The following MAP3K13 variants were observed in gnomAD, a reference collection of about 807,000 sequenced individuals.
MAP3K13 encodes the protein leucine zipper-bearing kinase.
A neutral mutation model predicts 104.0 loss-of-function variants in MAP3K13; 52 were observed. The ratio of observed to expected loss-of-function variants is 0.50; its 90% confidence interval spans 0.40 to 0.63. The LOEUF (loss-of-function observed/expected upper bound fraction) is 0.63, where lower values mean the gene tolerates loss of function less well. Among genes scored for constraint, MAP3K13 ranks in the 20% least tolerant of loss-of-function variants. MAP3K13 has a pLI of 0.00. For synonymous variants in MAP3K13, 394 were observed against 442.2 expected, an observed-to-expected ratio of 0.89 and a Z score of 1.37; for missense variants, 914 against 1,218.5, an observed-to-expected ratio of 0.75 and a Z score of 3.72.
rs897455701 is a variant in MAP3K13 at position 185,488,354 on chromosome 3, T to A, written c.*5898T>A. Reference sequence around the variant, plus strand: ...GACTGGCACATTAGAATCATATTAATCTGCTTGTTTGCATGTTACAACTGA... The same window carrying A: ...GACTGGCACATTAGAATCATATTAAACTGCTTGTTTGCATGTTACAACTGA... On this transcript the variant is annotated 3_prime_UTR_variant, in exon 14 of 14. Transcript: ENST00000265026. 6 of 152,172 alleles carry A rather than the reference T, an allele frequency of 3.9e-5. No individual in the cohort carries two copies. The highest frequency in any genetic ancestry group is 1.4e-4 in the African/African-American group (6 of 41,432). The allele number at this position is 152,172 out of a possible 1,614,324, so 9.4% of individuals were successfully genotyped here. A position where few individuals can be genotyped will look rare whatever the true frequency, so the allele number is the denominator to read the frequency against.
At chr3:185,304,395 A>G (rs754084500) in intron 2 of MAP3K13, among the ~76,000 whole-genome samples, 6 of 152,182 alleles carry the variant, frequency 3.9e-5, no homozygotes, top group Non-Finnish European at 7.4e-5. Context: ...TGTTCTATCC[A>G]TTATTAAAAG....
At chr3:185,375,565 C>T (rs1724384063) in intron 1 of MAP3K13, among the ~76,000 whole-genome samples, 1 of 152,086 alleles carries the variant, frequency 6.6e-6, no homozygotes, top group Non-Finnish European at 1.5e-5. Context: ...AACCATTTGC[C>T]TTGTGCGGGA....
chr3:185,434,553 A>G (rs1714917767), intron 2 of MAP3K13, among the ~76,000 whole-genome samples: 2 of 152,232 alleles, frequency 1.3e-5, no homozygotes, highest in Admixed American at 1.3e-4. Flanking sequence ...AAGAGGGTAC[A>G]GAACAACTAT....
intron 7 of MAP3K13, among the ~76,000 whole-genome samples, chr3:185,453,044 G>A (rs1308047059): frequency 6.6e-6 from 1 of 152,132 alleles, no homozygotes; most frequent in Non-Finnish European, 1.5e-5. Context: ...TTAAAAGGGT[G>A]CAAATGTCAT....
At chr3:185,429,996 T>TA (rs1290601999) in intron 2 of MAP3K13, among the ~76,000 whole-genome samples, 1 of 152,118 alleles carries the variant, frequency 6.6e-6, no homozygotes, top group Non-Finnish European at 1.5e-5. Context: ...GGTCAGGAGT[T>TA]CAAGACCAGC....
At chr3:185,438,219 C>A (rs943687278) in intron 3 of MAP3K13, among the ~76,000 whole-genome samples, 1 of 151,678 alleles carries the variant, frequency 6.6e-6, no homozygotes, top group African/African-American at 2.4e-5. Context: ...TTGCTTGAAC[C>A]CAGAAGGTTG....
intron 2 of MAP3K13, among the ~76,000 whole-genome samples, chr3:185,326,912 G>A (rs113681444): frequency 7.4e-4 from 112 of 152,214 alleles, no homozygotes; most frequent in African/African-American, 2.5e-3. Flanking sequence ...TTTCATTTGC[G>A]TATTCTGTTC....
chr3:185,473,045 A>T lies in MAP3K13; in HGVS notation c.1714A>T (p.Ser572Cys), dbSNP rs1355800652. The change falls in exon 11 of 14, where the codon AGT becomes TGT. Residue 572 changes from serine (S) to cysteine (C), a missense_variant. Physicochemically the swap from Ser to Cys is moderately radical, Grantham distance 112 (BLOSUM62 -1). This residue lies in a region of MAP3K13 where 583 missense variants were observed against 737.4 expected (regional missense o/e 0.79). Coordinates refer to ENST00000265026, the MANE Select transcript of MAP3K13 (RefSeq NM_004721.5). This position sits in a 1 kb window ranked among gnomAD's most constrained non-coding sequence, Gnocchi z 4.9. ...TCCCACTGCATCCCCTTTGTCCGGA[A>T]GTCCCAAAATGTCCACTTCTAGCAG... ...VAPTASPLSG[S>C]PKMSTSSSKS... 6.2e-7 allele frequency: 1 copy of T among 1,614,208 alleles called. No individual in the cohort carries two copies. Among genetic ancestry groups the T allele is most frequent in the Non-Finnish European group, 8.5e-7 (1 of 1,180,036 alleles).
intron 1 of MAP3K13, among the ~76,000 whole-genome samples, chr3:185,415,540 T>A (rs1713704947): frequency 6.6e-6 from 1 of 151,790 alleles, no homozygotes; most frequent in Non-Finnish European, 1.5e-5. Flanking sequence ...CATCTCCTAA[T>A]TTAACATCAC....
chr3:185,422,070 A>C (rs769104732), intron 1 of MAP3K13, among the ~76,000 whole-genome samples: 1 of 152,176 alleles, frequency 6.6e-6, no homozygotes, highest in Non-Finnish European at 1.5e-5. Context: ...GCCTACTCTG[A>C]GAGCAGTCAG....
At chr3:185,368,643 A>C (rs570980422) in intron 1 of MAP3K13, among the ~76,000 whole-genome samples, 5 of 152,120 alleles carry the variant, frequency 3.3e-5, no homozygotes, top group African/African-American at 1.2e-4. Flanking sequence ...GGCATGAGAG[A>C]ATGATTGAAG....
intron 1 of MAP3K13, among the ~76,000 whole-genome samples, chr3:185,420,404 A>T (rs1714048490): frequency 6.6e-6 from 1 of 152,230 alleles, no homozygotes; most frequent in African/African-American, 2.4e-5. Flanking sequence ...TATCCTGGAA[A>T]GATCATTTTA....
rs776976343 is a variant in MAP3K13, at chr3:185,473,291, C to G, written c.1960C>G (p.Pro654Ala). ...TCCTGCCATGTCCCAGAGTCACCAT[C>G]CCAGACTCAATATGCACGGACAGGA... ...PPPAMSQSHHPRLNMHGQDIA... is the reference protein window; with the variant it reads ...PPPAMSQSHHARLNMHGQDIA... The change falls in exon 11 of 14, where the codon CCC (proline) becomes GCC (alanine). Residue 654 changes from proline (P) to alanine (A), a missense_variant. Pro to Ala is a conservative substitution (Grantham distance 27, BLOSUM62 -1). This residue lies in a region of MAP3K13 where 583 missense variants were observed against 737.4 expected (regional missense o/e 0.79). Coordinates refer to ENST00000265026, the MANE Select transcript of MAP3K13 (RefSeq NM_004721.5). This position sits in a 1 kb window ranked among gnomAD's most constrained non-coding sequence, Gnocchi z 4.9. 1 of 1,614,228 alleles carries G rather than the reference C, an allele frequency of 6.2e-7. No homozygotes were observed. Among genetic ancestry groups the G allele is most frequent in the Admixed American group, 1.7e-5 (1 of 60,022 alleles).
intron 2 of MAP3K13, among the ~76,000 whole-genome samples, chr3:185,311,137 C>T (rs1292864225): frequency 6.6e-6 from 1 of 152,134 alleles, no homozygotes; most frequent in Non-Finnish European, 1.5e-5. Context: ...GTCATAGTAG[C>T]CTTTGTTTCC....
At chr3:185,333,618 C>T (rs1464968780) in intron 2 of MAP3K13, among the ~76,000 whole-genome samples, 3 of 152,062 alleles carry the variant, frequency 2.0e-5, no homozygotes, top group African/African-American at 7.2e-5. Flanking sequence ...TCTGGCTGGG[C>T]ACAGTGGGCT....
In MAP3K13 at chr3:185,483,766, G is replaced by A. The variant is rs1443648077; in HGVS notation, c.*1310G>A. ...TTGCTCTTTTTGCCCAGGCTAGAGT[G>A]CAATGGCACAATCTCAGTTCACTGC... On this transcript the variant is annotated 3_prime_UTR_variant, in exon 14 of 14. Transcript: ENST00000265026. 3.0e-5 allele frequency: 2 copies of A among 66,526 alleles called. No homozygotes were observed. Among genetic ancestry groups the A allele is most frequent in the Non-Finnish European group, 6.1e-5 (2 of 32,830 alleles). 4.1% of individuals were successfully genotyped at this position (66,526 alleles called of 1,614,324 possible). A position where few individuals can be genotyped will look rare whatever the true frequency, so the allele number is the denominator to read the frequency against.
chr3:185,385,506 C>T (rs893401372), intron 1 of MAP3K13, among the ~76,000 whole-genome samples: 2 of 151,380 alleles, frequency 1.3e-5, no homozygotes, highest in African/African-American at 2.4e-5. Context: ...AGAACTAACA[C>T]GAATTCTTCT....
intron 1 of MAP3K13, among the ~76,000 whole-genome samples, chr3:185,366,847 G>A (rs1278289187): frequency 6.6e-6 from 1 of 152,178 alleles, no homozygotes; most frequent in African/African-American, 2.4e-5. Context: ...TTTATCAGAT[G>A]TATACTTTGC....
In MAP3K13 at chr3:185,484,437, C is replaced by T. The variant is rs1054670612; in HGVS notation, c.*1981C>T. The T allele has an allele frequency of 6.6e-6, 1 of 152,208 alleles. No homozygotes were observed. Among genetic ancestry groups the T allele is most frequent in the African/African-American group, 2.4e-5 (1 of 41,442 alleles). 9.4% of individuals were successfully genotyped at this position (152,208 alleles called of 1,614,324 possible). Reference sequence around the variant, plus strand: ...AGATTCACTGGACTCTTTGACACTGCATCATGTTGGACGTTAGGAAATACT... The same window carrying T: ...AGATTCACTGGACTCTTTGACACTGTATCATGTTGGACGTTAGGAAATACT... On this transcript the variant is annotated 3_prime_UTR_variant, in exon 14 of 14. Coordinates refer to ENST00000265026, the MANE Select transcript of MAP3K13 (RefSeq NM_004721.5).
Sources: allele counts gnomAD v4.1 joint callset (sites outside exome capture counted in the v4.1 genomes callset), GRCh38; gene constraint gnomAD v4.1.1; regional missense constraint gnomAD v4.1.1; non-coding constraint Gnocchi (gnomAD v3.1); transcripts MANE v1.5; gene names NCBI Gene and HGNC (gene_info 2026-07-23, HGNC 2026-07-21).